Variants in ATP10B observed in about 807,000 individuals in gnomAD.
The protein encoded by ATP10B is phospholipid-transporting ATPase VB.
In ATP10B, 122 loss-of-function variants were observed where a neutral mutation model predicts 141.2. That is an observed-to-expected ratio of 0.86 (90% CI 0.75 to 1.00). The LOEUF is 1.00. Ranked by LOEUF, ATP10B falls within the 50% of genes least tolerant of loss-of-function variation. The pLI, the probability that ATP10B is intolerant of heterozygous loss-of-function variation, is 0.00. For missense variants in ATP10B, 1,876 were observed against 1,825.3 expected (o/e 1.03, Z -0.51); for synonymous variants, 685 against 692.0 (o/e 0.99, Z 0.16).
chr5:160,569,697 TA>T lies in ATP10B; in HGVS notation c.3751-15del. The T allele has an allele frequency of 6.5e-7, 1 of 1,538,436 alleles. No homozygotes were observed. The highest frequency in any genetic ancestry group is 8.7e-7 in the Non-Finnish European group (1 of 1,145,080). The stretch of plus-strand genomic sequence containing the variant: ...GTGGAAAATGGTCTGTGGAGGGAAA[TA>T]AGCAAACACTGTTGAAGGTATAGCT... On this transcript the variant is annotated splice_polypyrimidine_tract_variant and intron_variant, in intron 24 of 25. Transcript: ENST00000327245.
Position 160,565,350 on chromosome 5 carries a change from A to T in ATP10B, c.*103T>A. The T allele has an allele frequency of 3.3e-6, 4 of 1,211,870 alleles. No homozygotes were observed. The highest frequency in any genetic ancestry group is 4.7e-6 in the Non-Finnish European group (4 of 851,246). 75.1% of individuals were successfully genotyped at this position (1,211,870 alleles called of 1,614,324 possible). A position where few individuals can be genotyped will look rare whatever the true frequency, so the allele number is the denominator to read the frequency against. On this transcript the variant is annotated 3_prime_UTR_variant, in exon 26 of 26. Coordinates refer to ENST00000327245, the MANE Select transcript of ATP10B (RefSeq NM_025153.3). ...AGTCAAGGTTGTTGAAGAAAAGAAT[A>T]AGACTGGCACATTGTTTCCTCTATG...
intron 24 of ATP10B, among the ~76,000 whole-genome samples, chr5:160,574,258 C>T (rs1418637171): frequency 2.0e-5 from 3 of 152,114 alleles, no homozygotes; most frequent in South Asian, 2.1e-4. Context: ...CATGATGAAA[C>T]CTTGTCTCTA....
At position 160,634,393 on chromosome 5, in the gene ATP10B, A is replaced by G. The variant is rs750255183; in HGVS notation, c.1342T>C (p.Cys448Arg). The G allele has an allele frequency of 6.2e-7, 1 of 1,614,150 alleles. No homozygotes were observed. The change falls in exon 12 of 26, where the codon TGC becomes CGC. Residue 448 changes from cysteine (C) to arginine (R), a missense_variant. Physicochemically the swap from Cys to Arg is radical, Grantham distance 180 (BLOSUM62 -3). Coordinates refer to ENST00000327245, the MANE Select transcript of ATP10B (RefSeq NM_025153.3). ...GAATACTCGCTGCCCATGATGGTGC[A>G]ACGTCGGAACACCATCTTGTTCTCT... ...LTENKMVFRR[C>R]TIMGSEYSHQ...
At chr5:160,809,829 C>A (rs148324748) in intron 1 of ATP10B, among the ~76,000 whole-genome samples, 1,840 of 152,224 alleles carry the variant, frequency 0.012, 24 homozygotes, top group Middle Eastern at 0.051. Flanking sequence ...CAGAAGGGAT[C>A]GGGACTGAGA....
At chr5:160,687,730 A>G in intron 5 of ATP10B, 70 bp downstream of exon 5, 1 of 1,529,796 alleles carries the variant, frequency 6.5e-7, no homozygotes, top group East Asian at 2.3e-5. Flanking sequence ...GCACGACTAT[A>G]CTCCAGCCTG....
chr5:160,689,393 A>G (rs180788326), intron 3 of ATP10B, among the ~76,000 whole-genome samples: 14 of 152,340 alleles, frequency 9.2e-5, no homozygotes, highest in Non-Finnish European at 2.1e-4. Flanking sequence ...CAGGCAAGAG[A>G]AAGAAATAAA....
the ATP10B span, among the ~76,000 whole-genome samples, chr5:160,927,028 G>T: frequency 6.6e-6 from 1 of 152,180 alleles, no homozygotes; most frequent in Non-Finnish European, 1.5e-5. Flanking sequence ...AACCTCACAT[G>T]CTATAGAGAA....
At chr5:160,801,215 T>C (rs1220631932) in intron 1 of ATP10B, among the ~76,000 whole-genome samples, 2 of 152,190 alleles carry the variant, frequency 1.3e-5, no homozygotes, top group East Asian at 3.8e-4. Context: ...CTACTGGGGC[T>C]AAAATGACGC....
chr5:160,706,715 A>G (rs1254562417), intron 3 of ATP10B, among the ~76,000 whole-genome samples: 1 of 152,250 alleles, frequency 6.6e-6, no homozygotes, highest in East Asian at 1.9e-4. Context: ...AATCTCACAT[A>G]GCCAAGATAC....
intron 7 of ATP10B, among the ~76,000 whole-genome samples, chr5:160,668,169 T>C (rs186725558): frequency 6.9e-6 from 1 of 145,724 alleles, no homozygotes; most frequent in Admixed American, 7.0e-5. Flanking sequence ...TAGGCATAGA[T>C]TGCACTAAGC....
intron 25 of ATP10B, among the ~76,000 whole-genome samples, chr5:160,567,973 T>A (rs1754646492): frequency 6.6e-6 from 1 of 152,162 alleles, no homozygotes; most frequent in Admixed American, 6.6e-5. Flanking sequence ...GATAGAACTG[T>A]CAGTACTTGG....
At chr5:160,860,051 C>G in the ATP10B span, among the ~76,000 whole-genome samples, 2 of 151,812 alleles carry the variant, frequency 1.3e-5, no homozygotes, top group Admixed American at 6.6e-5. Flanking sequence ...AAACAACGTA[C>G]AAAGCCATTA....
the ATP10B span, among the ~76,000 whole-genome samples, chr5:160,868,840 A>G: frequency 1.4e-4 from 22 of 152,304 alleles, no homozygotes; most frequent in East Asian, 2.3e-3. Flanking sequence ...TGGGGTCCTC[A>G]GTAGTGGACA....
At chr5:160,652,880 T>C (rs1340652917) in intron 7 of ATP10B, among the ~76,000 whole-genome samples, 3 of 85,858 alleles carry the variant, frequency 3.5e-5, no homozygotes, top group Non-Finnish European at 5.9e-5. Context: ...ATATATAATA[T>C]ATATATAATT....
At chr5:160,801,150 AG>A (rs1283332158) in intron 1 of ATP10B, among the ~76,000 whole-genome samples, 1 of 152,170 alleles carries the variant, frequency 6.6e-6, no homozygotes, top group African/African-American at 2.4e-5. Context: ...TCCAGCTGCC[AG>A]GGTCCTCTGT....
At chr5:160,622,652 A>G (rs1460455950) in intron 13 of ATP10B, 67 bp from the exon 14 acceptor site, 6 of 1,400,632 alleles carry the variant, frequency 4.3e-6, no homozygotes, top group Non-Finnish European at 5.9e-6. Flanking sequence ...GAATCTTCAC[A>G]TGCCTGGGGA....
intron 24 of ATP10B, among the ~76,000 whole-genome samples, chr5:160,580,043 T>A (rs1755445968): frequency 1.3e-5 from 2 of 152,244 alleles, no homozygotes; most frequent in Non-Finnish European, 2.9e-5. Flanking sequence ...AAGTTGCTTA[T>A]CAGCTTAAGA....
At chr5:160,880,012 T>C in the ATP10B span, among the ~76,000 whole-genome samples, 1 of 151,734 alleles carries the variant, frequency 6.6e-6, no homozygotes, top group Non-Finnish European at 1.5e-5. Context: ...TTAGTACTCC[T>C]AAAAATGAAA....
chr5:160,571,564 C>T (rs1181814085), intron 24 of ATP10B, among the ~76,000 whole-genome samples: 1 of 152,176 alleles, frequency 6.6e-6, no homozygotes, highest in Non-Finnish European at 1.5e-5. Flanking sequence ...CTCATGGACT[C>T]ATTCTTTTAT....
Sources: allele counts gnomAD v4.1 joint callset (sites outside exome capture counted in the v4.1 genomes callset), GRCh38; gene constraint gnomAD v4.1.1; transcripts MANE v1.5; gene names NCBI Gene and HGNC (gene_info 2026-07-23, HGNC 2026-07-21).